MYO18A: variants seen among roughly 807,000 people sequenced by gnomAD.
The protein encoded by MYO18A is unconventional myosin-XVIIIa.
Under a neutral mutation model 235.8 loss-of-function variants are expected in MYO18A, and 78 were observed. The ratio of observed to expected loss-of-function variants is 0.33; its 90% CI spans 0.28 to 0.40. The LOEUF is 0.40. Ranked by LOEUF, MYO18A falls within the 10% of genes least tolerant of loss-of-function variation. The pLI, the probability that MYO18A is intolerant of heterozygous loss-of-function variation, is 1.00. For missense variants in MYO18A, 2,215 were observed against 2,699.3 expected (o/e 0.82, Z 3.98); for synonymous variants, 977 against 1,077.8 (o/e 0.91, Z 1.83).
chr17:29,159,781 G>T (rs1020715157), intron 2 of MYO18A, among the ~76,000 whole-genome samples: 1 of 152,176 alleles, frequency 6.6e-6, no homozygotes, highest in Non-Finnish European at 1.5e-5. Context: ...CTACCCAGGG[G>T]TCTAGGGCTT....
At chr17:29,132,473 T>C (rs1038266909) in intron 2 of MYO18A, among the ~76,000 whole-genome samples, 6 of 152,074 alleles carry the variant, frequency 3.9e-5, no homozygotes, top group Admixed American at 2.0e-4. Flanking sequence ...CAACCCTACC[T>C]CCTCCTCAGC....
intron 37 of MYO18A, among the ~76,000 whole-genome samples, chr17:29,088,545 C>T (rs1199181731): frequency 6.6e-6 from 1 of 151,950 alleles, no homozygotes; most frequent in Non-Finnish European, 1.5e-5. Flanking sequence ...GACAGGGCTG[C>T]CCCTCACCAA....
At chr17:29,163,700 T>C (rs538828998) in intron 2 of MYO18A, among the ~76,000 whole-genome samples, 1 of 152,296 alleles carries the variant, frequency 6.6e-6, no homozygotes, top group East Asian at 1.9e-4. Flanking sequence ...ATGATCCCTG[T>C]GCTATAAAGA....
chr17:29,079,739 T>C (rs1311052042), intron 41 of MYO18A: 1 of 985,876 alleles, frequency 1.0e-6, no homozygotes, highest in Non-Finnish European at 1.2e-6. Context: ...CACTAGTCGC[T>C]CTCGGGCCGG....
At chr17:29,096,681 C>T in intron 28 of MYO18A, 80 bp downstream of exon 28, 1 of 1,425,250 alleles carries the variant, frequency 7.0e-7, no homozygotes, top group Admixed American at 3.0e-5. Context: ...TCCTTCTTTC[C>T]TCCCTGGAGG....
At chr17:29,090,491 C>G in intron 36 of MYO18A, 41 bp downstream of exon 36, 1 of 1,535,102 alleles carries the variant, frequency 6.5e-7, no homozygotes, top group African/African-American at 1.4e-5. Context: ...ACCTAGTGAC[C>G]CTGGCACTCT....
rs541801353 is a variant in MYO18A, at chr17:29,075,205, T to C, written c.6021-291A>G. ...TCCTGGGCCCTTCCTCTTAGAAACC[T>C]TGAATCGCTGGCTTTTGGGTACAAC... On this transcript the variant is annotated intron_variant, in intron 41 of 41. Transcript: ENST00000527372. 6 of 332,722 alleles carry C rather than the reference T, an allele frequency of 1.8e-5. No individual in the cohort carries two copies. In the South Asian group the frequency reaches 3.4e-4, roughly 19 times the overall value. 20.6% of individuals were successfully genotyped at this position (332,722 alleles called of 1,614,324 possible). A position where few individuals can be genotyped will look rare whatever the true frequency, so the allele number is the denominator to read the frequency against.
rs750488383 is a variant in MYO18A at position 29,121,807 on chromosome 17, ACTCCTGAGC to A, written c.1194+35_1194+43del. ...AGGATGGGCCTGCCCTGCCCAGTGCACTCCTGAGCCTCCTCCCCCACACCCAGCCCCCTG... is the reference window on the plus strand; with the variant it reads ...AGGATGGGCCTGCCCTGCCCAGTGCACTCCTCCCCCACACCCAGCCCCCTG... On this transcript the variant is annotated intron_variant, in intron 4 of 41. Transcript: ENST00000527372. This position sits in a 1 kb window ranked among gnomAD's most constrained non-coding sequence, Gnocchi z 4.2. 1 of 1,611,430 alleles carries A rather than the reference ACTCCTGAGC, an allele frequency of 6.2e-7. No homozygotes were observed. Among genetic ancestry groups the A allele is most frequent in the East Asian group, 2.2e-5 (1 of 44,836 alleles).
At chr17:29,086,347 G>T in intron 39 of MYO18A, 91 bp downstream of exon 39, 1 of 1,428,658 alleles carries the variant, frequency 7.0e-7, no homozygotes, top group Non-Finnish European at 9.6e-7. Flanking sequence ...GGGAGGCAGA[G>T]GTTGCAACTG....
chr17:29,111,863 C>A lies in MYO18A; in HGVS notation c.2599G>T (p.Val867Phe). 1.2e-6 allele frequency: 2 copies of A among 1,606,744 alleles called. No homozygotes were observed. Among genetic ancestry groups the A allele is most frequent in the Non-Finnish European group, 8.5e-7 (1 of 1,176,728 alleles). The change falls in exon 16 of 42, where the codon GTC (valine) becomes TTC (phenylalanine). Residue 867 changes from valine to phenylalanine, a missense_variant and splice_region_variant. Val to Phe is a conservative substitution (Grantham distance 50, BLOSUM62 -1). Transcript: ENST00000527372. The surrounding 1 kb of genome is among the most constrained non-coding windows in gnomAD (Gnocchi z 5.1). ...AVDQASHQSL[V>F]RSLARTDEAR... ...TCGTCTGTGCGGGCCAGCGAGCGGA[C>A]CTACAGAGAAGGAAGGAAATCCCTC...
intron 2 of MYO18A, among the ~76,000 whole-genome samples, chr17:29,149,338 A>C (rs115417068): frequency 6.6e-6 from 1 of 152,266 alleles, no homozygotes. Flanking sequence ...CATGAATGCA[A>C]GGTCAAAAGA....
At chr17:29,092,722 C>T (rs897316680) in intron 33 of MYO18A, 133 bp downstream of exon 33, 15 of 1,267,032 alleles carry the variant, frequency 1.2e-5, no homozygotes, top group Middle Eastern at 2.2e-4. Flanking sequence ...AGCTGCTACA[C>T]GTGGCTCTCC....
intron 40 of MYO18A, among the ~76,000 whole-genome samples, chr17:29,082,973 G>A (rs2066156697): frequency 6.6e-6 from 1 of 151,824 alleles, no homozygotes; most frequent in Admixed American, 6.6e-5. Flanking sequence ...GGTCTCCTTA[G>A]TGGATGGCAG....
At chr17:29,164,038 C>T (rs915248444) in intron 2 of MYO18A, among the ~76,000 whole-genome samples, 18 of 152,086 alleles carry the variant, frequency 1.2e-4, no homozygotes, top group Admixed American at 5.9e-4. Flanking sequence ...TACAGGCATG[C>T]GCCACCACGC....
Position 29,166,443 on chromosome 17 carries a change from C to G in MYO18A, c.498G>C (p.Gln166His). ...PSEHSAAPSP[Q>H]VEVRTLEGQL... The stretch of plus-strand genomic sequence containing the variant: ...GTCCCTCTAGAGTCCTCACCTCCAC[C>G]TGTGGCGAGGGGGCGGCAGAGTGCT... The change falls in exon 2 of 42, where the codon CAG (glutamine) becomes CAC (histidine). Residue 166 changes from glutamine to histidine, a missense_variant. Gln to His is a conservative substitution (Grantham distance 24). Transcript: ENST00000527372. 9 of 1,613,866 alleles carry G rather than the reference C, an allele frequency of 5.6e-6. No individual in the cohort carries two copies. Among genetic ancestry groups the G allele is most frequent in the Non-Finnish European group, 7.6e-6 (9 of 1,179,898 alleles).
At chr17:29,088,381 C>G (rs936374024) in intron 37 of MYO18A, among the ~76,000 whole-genome samples, 8 of 152,166 alleles carry the variant, frequency 5.3e-5, no homozygotes, top group Admixed American at 4.6e-4. Context: ...TTTCCCCTAA[C>G]TCTCTCCAGC....
intron 1 of MYO18A, 35 bp from the exon 2 acceptor site, chr17:29,167,056 C>T (rs2068301697): frequency 2.2e-6 from 3 of 1,392,060 alleles, no homozygotes; most frequent in Admixed American, 5.7e-5. Flanking sequence ...AAAGGTTATT[C>T]GAACAGAGCC....
intron 22 of MYO18A, among the ~76,000 whole-genome samples, 198 bp from the exon 23 acceptor site, chr17:29,099,167 C>A (rs562537604): frequency 6.6e-5 from 10 of 152,154 alleles, no homozygotes; most frequent in African/African-American, 2.4e-4. Flanking sequence ...CAGAACCCAG[C>A]CCTGGGAGCA....
At chr17:29,178,955 G>A (rs961497647) in intron 1 of MYO18A, among the ~76,000 whole-genome samples, 1 of 152,228 alleles carries the variant, frequency 6.6e-6, no homozygotes, top group East Asian at 1.9e-4. Flanking sequence ...ACTTGCCACA[G>A]GGGCACTGAT....
Sources: allele counts gnomAD v4.1 joint callset (sites outside exome capture counted in the v4.1 genomes callset), GRCh38; gene constraint gnomAD v4.1.1; non-coding constraint Gnocchi (gnomAD v3.1); transcripts MANE v1.5; gene names NCBI Gene and HGNC (gene_info 2026-07-23, HGNC 2026-07-21).